MAU2: variants seen among roughly 807,000 people sequenced by gnomAD.
The protein encoded by MAU2 is MAU2 sister chromatid cohesion factor, also known as MAU2 chromatid cohesion factor homolog.
A neutral mutation model predicts 89.1 loss-of-function variants in MAU2; 9 were observed. The ratio of observed to expected loss-of-function variants is 0.10; its 90% CI spans 0.06 to 0.18. The LOEUF (loss-of-function observed/expected upper bound fraction) is 0.18. Ranked by LOEUF, MAU2 falls within the 10% of genes least tolerant of loss-of-function variation. The pLI, the probability that MAU2 is intolerant of heterozygous loss-of-function variation, is 1.00. For synonymous variants in MAU2, 357 were observed against 343.4 expected (o/e 1.04, Z -0.44); for missense variants, 425 against 803.5 (o/e 0.53, Z 5.69).
chr19:19,322,943 C>CAATGGCAGGATCTCAGCGTAGT (rs1568645674), intron 1 of MAU2, among the ~76,000 whole-genome samples: 69 of 152,276 alleles, frequency 4.5e-4, no homozygotes, highest in African/African-American at 1.6e-3. Context: ...GGGGCTGTAG[C>CAATGGCAGGATCTCAGCGTAGT]GCAATGGCAG....
At chr19:19,338,027 A>G (rs906702254) in intron 4 of MAU2, among the ~76,000 whole-genome samples, 1 of 152,174 alleles carries the variant, frequency 6.6e-6, no homozygotes, top group Non-Finnish European at 1.5e-5. Flanking sequence ...TCCATGACCC[A>G]GCCTGCCTTC....
In MAU2 at chr19:19,348,941, G is replaced by A; in HGVS notation, c.1358+3G>A. ...CCGGACCACAGCTTCCCTGTCAGGTGAGCCGCTCCAGGCACCACTCCACGC... is the reference window on the plus strand; with the variant it reads ...CCGGACCACAGCTTCCCTGTCAGGTAAGCCGCTCCAGGCACCACTCCACGC... On this transcript the variant is annotated splice_donor_region_variant and intron_variant, in intron 14 of 18. Transcript: ENST00000262815. 2 of 1,613,422 alleles carry A rather than the reference G, an allele frequency of 1.2e-6. No individual in the cohort carries two copies. The highest frequency in any genetic ancestry group is 1.7e-6 in the Non-Finnish European group (2 of 1,179,800).
chr19:19,327,712 T>C (rs1304547599), intron 1 of MAU2, among the ~76,000 whole-genome samples: 1 of 151,998 alleles, frequency 6.6e-6, no homozygotes, highest in Non-Finnish European at 1.5e-5. Context: ...CAGTAGTTGG[T>C]GTCTCGGTGA....
intron 7 of MAU2, among the ~76,000 whole-genome samples, 176 bp from the exon 8 acceptor site, chr19:19,342,359 C>T (rs920911273): frequency 6.6e-6 from 1 of 152,178 alleles, no homozygotes; most frequent in Non-Finnish European, 1.5e-5. Flanking sequence ...CCCCATGCCC[C>T]AAAAGCCTGG....
At chr19:19,324,414 G>C (rs1184727244) in intron 1 of MAU2, among the ~76,000 whole-genome samples, 1 of 152,180 alleles carries the variant, frequency 6.6e-6, no homozygotes, top group African/African-American at 2.4e-5. Flanking sequence ...TTGACTGGGA[G>C]GGGTCTGGTG....
At position 19,357,886 on chromosome 19, in the gene MAU2, C is replaced by A. The variant is rs2048197302; in HGVS notation, c.*2104C>A. On this transcript the variant is annotated 3_prime_UTR_variant, in exon 19 of 19. Transcript: ENST00000262815. Reference sequence around the variant, plus strand: ...CACAAAGCTTTTGATAAGTACTTTCCTGTGGGTCGCTCAGCGCCTCATAGC... The same window carrying A: ...CACAAAGCTTTTGATAAGTACTTTCATGTGGGTCGCTCAGCGCCTCATAGC... 6.6e-6 allele frequency: 1 copy of A among 151,954 alleles called. No homozygotes were observed. Among genetic ancestry groups the A allele is most frequent in the African/African-American group, 2.4e-5 (1 of 41,360 alleles). The allele number at this position is 151,954 out of a possible 1,614,324, so 9.4% of individuals were successfully genotyped here.
At position 19,342,913 on chromosome 19, in the gene MAU2, G is replaced by A. The variant is rs2301670; in HGVS notation, c.973+47G>A. 2.1e-3 allele frequency: 3,349 copies of A among 1,599,254 alleles called. 84 individuals are homozygous for A. The East Asian group carries it at 0.056, about 27-fold the overall frequency. On this transcript the variant is annotated intron_variant, in intron 9 of 18. Transcript: ENST00000262815. ...CCACATGGCCACAGCGACCCCTGGCGGACGGCCTGGCCAGACGCTAGCTGT... is the reference window on the plus strand; with the variant it reads ...CCACATGGCCACAGCGACCCCTGGCAGACGGCCTGGCCAGACGCTAGCTGT...
intron 1 of MAU2, among the ~76,000 whole-genome samples, chr19:19,328,684 G>A (rs1052104045): frequency 6.6e-6 from 1 of 152,140 alleles, no homozygotes; most frequent in South Asian, 2.1e-4. Flanking sequence ...GCCTCCCAAA[G>A]TGCTGGGATT....
At position 19,341,414 on chromosome 19, in the gene MAU2, G is replaced by A. The variant is rs1276196201; in HGVS notation, c.735+7G>A. On this transcript the variant is annotated splice_region_variant and intron_variant, in intron 7 of 18. Transcript: ENST00000262815. ...CTATCTGGATGCCGGGCAGGTGTGT[G>A]GCGCCTCTCAGGCGAGCTGCTGGTT... 1 of 1,613,386 alleles carries A rather than the reference G, an allele frequency of 6.2e-7. No individual in the cohort carries two copies. Among genetic ancestry groups the A allele is most frequent in the East Asian group, 2.2e-5 (1 of 44,898 alleles).
At chr19:19,329,257 C>T (rs3764567) in intron 1 of MAU2, among the ~76,000 whole-genome samples, 93,480 of 151,056 alleles carry the variant, frequency 0.62, 29,384 homozygotes, top group East Asian at 0.7. Flanking sequence ...CTGGCCGTTA[C>T]GCAGTTTCAT....
At chr19:19,336,288 C>A in intron 3 of MAU2, 101 bp downstream of exon 3, 1 of 875,312 alleles carries the variant, frequency 1.1e-6, no homozygotes, top group South Asian at 1.5e-5. Context: ...GGAATCCCTC[C>A]GGCTTTTTTT....
rs771271601 is a variant in MAU2, at chr19:19,341,257, G to T, written c.585G>T (p.Leu195=). 42 of 1,611,130 alleles carry T rather than the reference G, an allele frequency of 2.6e-5. No individual in the cohort carries two copies. In the East Asian group the frequency reaches 8.9e-4, roughly 34 times the overall value. Residue 195 remains leucine, a synonymous_variant, in exon 7 of 19, where the codon CTG becomes CTT. Coordinates refer to ENST00000262815, the MANE Select transcript of MAU2 (RefSeq NM_015329.4). ...ALFLLSKGML[L]LMERKLQEVH... is the part of the protein sequence containing the mutation. ...CTGCGCCTCTCCCTCCCCAGCTGCT[G>T]CTGATGGAGCGAAAGCTGCAGGAGG...
intron 1 of MAU2, 123 bp downstream of exon 1, chr19:19,321,258 A>G: frequency 8.5e-7 from 1 of 1,179,082 alleles, no homozygotes; most frequent in Non-Finnish European, 1.1e-6. Context: ...ACCTCCGTCA[A>G]AGCCGCAGGA....
chr19:19,341,008 G>A, intron 6 of MAU2, 135 bp downstream of exon 6: 3 of 1,243,598 alleles, frequency 2.4e-6, no homozygotes. Context: ...GGCACAGTGA[G>A]CAGCCTGGAA....
Position 19,358,109 on chromosome 19 carries a change from G to A in MAU2, c.*2327G>A, listed in dbSNP as rs1029910311. 5 of 151,616 alleles carry A rather than the reference G, an allele frequency of 3.3e-5. No homozygotes were observed. The highest frequency in any genetic ancestry group is 1.2e-4 in the African/African-American group (5 of 41,260). The allele number at this position is 151,616 out of a possible 1,614,324, so 9.4% of individuals were successfully genotyped here. A position where few individuals can be genotyped will look rare whatever the true frequency, so the allele number is the denominator to read the frequency against. On this transcript the variant is annotated 3_prime_UTR_variant, in exon 19 of 19. Coordinates refer to ENST00000262815, the MANE Select transcript of MAU2 (RefSeq NM_015329.4). ...AAAAAAAAAAAAACAATGGAAGGCA[G>A]ACAGCAAGTCCCTGAGGACACATCA...
rs570386541 is a variant in MAU2, at chr19:19,355,095, G to A, written c.1640-169G>A. 3.2e-4 allele frequency: 262 copies of A among 830,846 alleles called. 1 individual carries two copies. The highest frequency in any genetic ancestry group is 1.1e-3 in the Admixed American group (43 of 37,980). 51.5% of individuals were successfully genotyped at this position (830,846 alleles called of 1,614,324 possible). On this transcript the variant is annotated intron_variant, in intron 17 of 18. Coordinates refer to ENST00000262815, the MANE Select transcript of MAU2 (RefSeq NM_015329.4). Reference sequence around the variant, plus strand: ...GTTCTGCCCTATGAGGGCGGCTGGCGCATGGGCTTTGTGATCCCAAGACAG... The same window carrying A: ...GTTCTGCCCTATGAGGGCGGCTGGCACATGGGCTTTGTGATCCCAAGACAG...
rs576786753 is a variant in MAU2 at position 19,350,789 on chromosome 19, A to G, written c.1548+1353A>G. Among the ~76,000 whole-genome samples the G allele has an allele frequency of 1.7e-4, 26 of 151,596 alleles. No individual in the cohort carries two copies. In the South Asian group the frequency reaches 3.7e-3, roughly 22 times the overall value. ...GTGGCAGGCGCCTGTAGTCCCAGCT[A>G]TTTGGGAGGCTGAGGCAGGAGAATG... On this transcript the variant is annotated intron_variant, in intron 16 of 18. Transcript: ENST00000262815.
At chr19:19,344,716 G>C (rs2061680018) in intron 10 of MAU2, 133 bp from the exon 11 acceptor site, 2 of 691,240 alleles carry the variant, frequency 2.9e-6, no homozygotes, top group Non-Finnish European at 5.2e-6. Context: ...GGACGTGTCT[G>C]CTGGGGCTTT....
At chr19:19,321,999 T>C (rs1039785777) in intron 1 of MAU2, 2 of 91,062 alleles carry the variant, frequency 2.2e-5, no homozygotes, top group African/African-American at 1.1e-4. Context: ...GTAAACTTTC[T>C]TTTTTTTTTT....
Sources: allele counts gnomAD v4.1 joint callset (sites outside exome capture counted in the v4.1 genomes callset), GRCh38; gene constraint gnomAD v4.1.1; transcripts MANE v1.5; gene names NCBI Gene and HGNC (gene_info 2026-07-23, HGNC 2026-07-21).